FHOD3: variants seen among roughly 807,000 people sequenced by gnomAD.
The protein encoded by FHOD3 is formin homology 2 domain containing 3, also known as FH1/FH2 domain-containing protein 3.
A neutral mutation model predicts 173.0 loss-of-function variants in FHOD3; 90 were observed. That is an observed-to-expected ratio of 0.52 (90% CI 0.44 to 0.62). The LOEUF (loss-of-function observed/expected upper bound fraction) is 0.62. FHOD3 is among the 20% of genes least tolerant of loss of function. The probability of loss-of-function intolerance (pLI) is 0.00; values close to 1 mark genes in which losing one functional copy is unlikely to be tolerated. For missense variants in FHOD3, 1,945 were observed against 2,034.7 expected (o/e 0.96, Z 0.85); for synonymous variants, 828 against 823.0 (o/e 1.01, Z -0.10).
At chr18:36,572,945 G>T (rs531691345) in intron 5 of FHOD3, among the ~76,000 whole-genome samples, 64 of 152,144 alleles carry the variant, frequency 4.2e-4, no homozygotes, top group Non-Finnish European at 8.5e-4. Flanking sequence ...ATGGAGACTT[G>T]CCAGTTTGTT....
At chr18:36,413,543 T>C (rs1026253285) in intron 3 of FHOD3, among the ~76,000 whole-genome samples, 3 of 152,164 alleles carry the variant, frequency 2.0e-5, no homozygotes, top group African/African-American at 2.4e-5. Flanking sequence ...GATTGCAAGT[T>C]GCTTTTGGAG....
At chr18:36,662,578 C>T (rs756461277) in intron 14 of FHOD3, among the ~76,000 whole-genome samples, 8 of 152,196 alleles carry the variant, frequency 5.3e-5, no homozygotes, top group Non-Finnish European at 8.8e-5. Flanking sequence ...TTGTCTTTCT[C>T]ATAGTTGTCC....
intron 18 of FHOD3, among the ~76,000 whole-genome samples, chr18:36,714,933 C>T (rs12605417): frequency 0.32 from 47,956 of 151,982 alleles, 7,841 homozygotes; most frequent in South Asian, 0.47. Flanking sequence ...CTTGTGATCC[C>T]CCTGTCAATG....
chr18:36,687,491 C>G (rs562130730), intron 16 of FHOD3, among the ~76,000 whole-genome samples: 164 of 152,322 alleles, frequency 1.1e-3, no homozygotes, highest in Non-Finnish European at 1.7e-3. Context: ...GTTCCTAATG[C>G]ATGCTTTTAT....
intron 27 of FHOD3, among the ~76,000 whole-genome samples, chr18:36,767,242 T>C (rs1360013906): frequency 1.3e-5 from 2 of 152,160 alleles, no homozygotes; most frequent in African/African-American, 2.4e-5. Flanking sequence ...AAGTACAATC[T>C]ACTGTTTTTG....
chr18:36,764,097 T>C (rs1352868689), intron 27 of FHOD3, among the ~76,000 whole-genome samples: 1 of 152,074 alleles, frequency 6.6e-6, no homozygotes, highest in Non-Finnish European at 1.5e-5. Context: ...GATTGTCTGG[T>C]TTGCTATATG....
In FHOD3 at chr18:36,437,077, TG is replaced by T. The variant is rs150675862; in HGVS notation, c.337+64334del. ...AAAAACTTTGAATATTGGTATATGA[TG>T]TTTTTTCTCATTGTATGAGTATTAG... On this transcript the variant is annotated intron_variant, in intron 3 of 28. Transcript: ENST00000590592. Among the ~76,000 whole-genome samples the T allele has an allele frequency of 1.3e-3, 202 of 152,326 alleles. 1 individual carries two copies. Among genetic ancestry groups the T allele is most frequent in the African/African-American group, 4.4e-3 (181 of 41,568 alleles).
chr18:36,748,057 C>G (rs2042229552), intron 24 of FHOD3, among the ~76,000 whole-genome samples: 1 of 152,132 alleles, frequency 6.6e-6, no homozygotes, highest in African/African-American at 2.4e-5. Flanking sequence ...CTCCCTGGGT[C>G]TCCATTCAGA....
intron 23 of FHOD3, among the ~76,000 whole-genome samples, chr18:36,744,610 A>C (rs565477062): frequency 6.6e-6 from 1 of 152,360 alleles, no homozygotes; most frequent in South Asian, 2.1e-4. Context: ...GCCAGAAAAC[A>C]GGGCCCTCCC....
At chr18:36,729,887 C>A (rs894936699) in intron 19 of FHOD3, among the ~76,000 whole-genome samples, 1 of 152,192 alleles carries the variant, frequency 6.6e-6, no homozygotes, top group Non-Finnish European at 1.5e-5. Context: ...CCTCTGAGGA[C>A]CACACAGGCC....
intron 4 of FHOD3, among the ~76,000 whole-genome samples, chr18:36,502,972 T>A (rs1378754205): frequency 6.6e-6 from 1 of 152,192 alleles, no homozygotes; most frequent in African/African-American, 2.4e-5. Flanking sequence ...AAACACAAGT[T>A]GTTTTATTCA....
chr18:36,381,135 A>G (rs776660093), intron 3 of FHOD3, among the ~76,000 whole-genome samples: 8 of 152,362 alleles, frequency 5.3e-5, no homozygotes, highest in Admixed American at 2.6e-4. Flanking sequence ...AAGTCTGGGA[A>G]GTGCTGCCAA....
At chr18:36,410,384 ATGT>A (rs2049295398) in intron 3 of FHOD3, among the ~76,000 whole-genome samples, 1 of 152,158 alleles carries the variant, frequency 6.6e-6, no homozygotes, top group Admixed American at 6.5e-5. Context: ...GATACACTAC[ATGT>A]TGTTTGTCTA....
At chr18:36,355,464 A>G in intron 1 of FHOD3, 75 bp from the exon 2 acceptor site, 1 of 1,213,924 alleles carries the variant, frequency 8.2e-7, no homozygotes, top group Non-Finnish European at 1.2e-6. Flanking sequence ...ACAGGAGGGC[A>G]ACATGATGTG....
chr18:36,378,157 T>G (rs2047540436), intron 3 of FHOD3, among the ~76,000 whole-genome samples: 1 of 152,214 alleles, frequency 6.6e-6, no homozygotes, highest in Non-Finnish European at 1.5e-5. Flanking sequence ...ATGTTCATCT[T>G]GTTGCAAAGG....
intron 20 of FHOD3, among the ~76,000 whole-genome samples, chr18:36,736,610 T>G (rs1249204744): frequency 2.0e-5 from 3 of 152,168 alleles, no homozygotes; most frequent in Non-Finnish European, 1.5e-5. Context: ...AAGCCATCCC[T>G]CTGAAGTCAA....
intron 5 of FHOD3, among the ~76,000 whole-genome samples, chr18:36,527,904 C>T (rs1397575905): frequency 1.3e-5 from 2 of 152,182 alleles, no homozygotes; most frequent in African/African-American, 4.8e-5. Context: ...CAGGACTTTA[C>T]CCTTTGTCCT....
intron 3 of FHOD3, among the ~76,000 whole-genome samples, chr18:36,493,330 TAA>T (rs2054569220): frequency 6.7e-6 from 1 of 149,828 alleles, no homozygotes; most frequent in Admixed American, 6.7e-5. Flanking sequence ...CACTGTAAAA[TAA>T]AGTTTTCGTG....
At chr18:36,557,655 T>C (rs2057940934) in intron 5 of FHOD3, among the ~76,000 whole-genome samples, 1 of 152,250 alleles carries the variant, frequency 6.6e-6, no homozygotes, top group African/African-American at 2.4e-5. Context: ...TGGTAATTTT[T>C]TATTGAATTT....
Sources: gnomAD v4.1 joint callset for allele counts (sites outside exome capture counted in the v4.1 genomes callset) on GRCh38, gnomAD v4.1.1 for gene constraint, MANE v1.5 for transcripts, NCBI Gene and HGNC (gene_info 2026-07-23, HGNC 2026-07-21) for gene names.